The following PAX1 variants were observed in gnomAD, a reference collection of about 807,000 sequenced individuals.
PAX1 encodes paired box 1.
In PAX1, 18 loss-of-function variants were observed where a neutral mutation model predicts 35.6. The observed-to-expected ratio is 0.50, with a 90% CI of 0.35 to 0.75. The LOEUF is 0.75. PAX1 is among the 30% of genes least tolerant of loss of function. The pLI, the probability that PAX1 is intolerant of heterozygous loss-of-function variation, is 0.01. For synonymous variants in PAX1, 397 were observed against 305.2 expected (o/e 1.30, Z -3.14); for missense variants, 760 against 661.5 (o/e 1.15, Z -1.63).
At chr20:21,713,034 G>A (rs1191965003) in intron 4 of PAX1, among the ~76,000 whole-genome samples, 2 of 152,248 alleles carry the variant, frequency 1.3e-5, no homozygotes, top group South Asian at 2.1e-4. Context: ...CTATGAGGAA[G>A]GATGGCTTGG....
Position 21,708,699 on chromosome 20 carries a change from A to G in PAX1, c.1058A>G (p.Gln353Arg). 1 of 1,613,496 alleles carries G rather than the reference A, an allele frequency of 6.2e-7. No individual in the cohort carries two copies. The highest frequency in any genetic ancestry group is 8.5e-7 in the Non-Finnish European group (1 of 1,179,976). The change falls in exon 3 of 5, where the codon CAG (glutamine) becomes CGG (arginine). Residue 353 changes from glutamine to arginine, a missense_variant and splice_region_variant. Transcript: ENST00000613128. ...PALEADIKYTQSASTLSAVGG... is the reference protein window; with the variant it reads ...PALEADIKYTRSASTLSAVGG... Reference sequence around the variant, plus strand: ...TTAGAGGCAGACATTAAATACACTCAGGTAACCAGGAGGCACGTGAGGCCG... The same window carrying G: ...TTAGAGGCAGACATTAAATACACTCGGGTAACCAGGAGGCACGTGAGGCCG...
In PAX1 at chr20:21,708,467, C is replaced by T. The variant is rs575991849; in HGVS notation, c.917-91C>T. 1.0e-5 allele frequency: 15 copies of T among 1,480,822 alleles called. No homozygotes were observed. In the African/African-American group the frequency reaches 1.5e-4, roughly 15 times the overall value. 91.7% of individuals were successfully genotyped at this position (1,480,822 alleles called of 1,614,324 possible). On this transcript the variant is annotated intron_variant, in intron 2 of 4. Transcript: ENST00000613128. ...CTACAAATTTTGTGGGACCCCTGGC[C>T]GTGTCTTCAGATACAAATTGGGTGG...
At position 21,714,546 on chromosome 20, in the gene PAX1, C is replaced by A; in HGVS notation, c.1358C>A (p.Pro453Gln). The change falls in exon 5 of 5, where the codon CCG becomes CAG. Residue 453 changes from proline (P) to glutamine (Q), a missense_variant. By Grantham distance (76) the Pro-to-Gln change is moderately conservative (BLOSUM62 -1). Coordinates refer to ENST00000613128, the MANE Select transcript of PAX1 (RefSeq NM_001257096.2). ...AGTAGCTTACACGGACTGCCCATCCCGGCCTCGACCTCCTAGGGGCAGCTC... is the reference window on the plus strand; with the variant it reads ...AGTAGCTTACACGGACTGCCCATCCAGGCCTCGACCTCCTAGGGGCAGCTC... ...ALSSLHGLPI[P>Q]ASTS is the part of the protein sequence containing the mutation. 1.9e-6 allele frequency: 3 copies of A among 1,592,980 alleles called. No individual in the cohort carries two copies. Among genetic ancestry groups the A allele is most frequent in the Non-Finnish European group, 2.6e-6 (3 of 1,171,090 alleles).
chr20:21,705,925 G>C lies in PAX1; in HGVS notation c.213G>C (p.Pro71=), dbSNP rs932478122. Residue 71 remains proline (P), a synonymous_variant, in exon 1 of 5, where the codon CCG becomes CCC. Transcript: ENST00000613128. ...SRGGGGAQAL[P]DCAGPSPGHP... ...GCGGCGGCGGCGCCCAAGCTCTCCCGGACTGCGCCGGGCCCAGCCCCGGCC... is the reference window on the plus strand; with the variant it reads ...GCGGCGGCGGCGCCCAAGCTCTCCCCGACTGCGCCGGGCCCAGCCCCGGCC... 6.8e-7 allele frequency: 1 copy of C among 1,464,460 alleles called. No homozygotes were observed. Among genetic ancestry groups the C allele is most frequent in the African/African-American group, 1.5e-5 (1 of 67,612 alleles). The allele number at this position is 1,464,460 out of a possible 1,614,324, so 90.7% of individuals were successfully genotyped here.
rs1302813262 is a variant in PAX1, at chr20:21,705,808, G to T, written c.96G>T (p.Ala32=). 7.8e-7 allele frequency: 1 copy of T among 1,279,926 alleles called. No individual in the cohort carries two copies. Among genetic ancestry groups the T allele is most frequent in the Non-Finnish European group, 9.8e-7 (1 of 1,015,984 alleles). 79.3% of individuals were successfully genotyped at this position (1,279,926 alleles called of 1,614,324 possible). A position where few individuals can be genotyped will look rare whatever the true frequency, so the allele number is the denominator to read the frequency against. The change falls in exon 1 of 5, where the codon GCG becomes GCT. Residue 32 remains alanine (A), a synonymous_variant. Coordinates refer to ENST00000613128, the MANE Select transcript of PAX1 (RefSeq NM_001257096.2). ...AAAGPGAGGS[A]LRCRAQRVSS... The stretch of plus-strand genomic sequence containing the variant: ...CAGGCCCTGGAGCGGGCGGCAGCGC[G>T]CTCCGCTGCCGCGCACAGCGCGTCT...
At chr20:21,713,373 CTTTTTT>C (rs113207408) in intron 4 of PAX1, among the ~76,000 whole-genome samples, 1,490 of 124,228 alleles carry the variant, frequency 0.012, 24 homozygotes, top group African/African-American at 0.057. Flanking sequence ...CGTGTGTTTT[CTTTTTT>C]TTTTGTGTGT....
In PAX1 at chr20:21,717,096, A is replaced by C. The variant is rs930819293; in HGVS notation, c.*2534A>C. The C allele has an allele frequency of 2.6e-5, 4 of 152,214 alleles. No individual in the cohort carries two copies. Among genetic ancestry groups the C allele is most frequent in the African/African-American group, 9.7e-5 (4 of 41,430 alleles). 9.4% of individuals were successfully genotyped at this position (152,214 alleles called of 1,614,324 possible). On this transcript the variant is annotated 3_prime_UTR_variant, in exon 5 of 5. Transcript: ENST00000613128. ...CACCTGTGTTTTAAGTGCCACCTGC[A>C]AAGGGAGGCATTTTTCAAATCTGCC... is the stretch of plus-strand genomic sequence containing the variant.
At chr20:21,707,909 C>T (rs1228959228) in intron 2 of PAX1, among the ~76,000 whole-genome samples, 5 of 152,174 alleles carry the variant, frequency 3.3e-5, no homozygotes, top group Non-Finnish European at 7.3e-5. Context: ...GCCTCTGTGG[C>T]CCTGCTCTGG....
At chr20:21,713,382 TTGTG>T (rs1026316842) in intron 4 of PAX1, among the ~76,000 whole-genome samples, 72 of 146,374 alleles carry the variant, frequency 4.9e-4, no homozygotes, top group Admixed American at 1.7e-3. Flanking sequence ...TCTTTTTTTT[TTGTG>T]TGTGTGTGTG....
rs1245300987 is a variant in PAX1, at chr20:21,705,985, C to A, written c.273C>A (p.Gly91=). ...ACCCCGGCGCCAGGCAGCTGGCCGG[C>A]CCGCTCGCTATGGGTAAGGGGCGGG... ...PGHPGARQLA[G]PLAMEQTYGE... Residue 91 remains glycine, a synonymous_variant, in exon 1 of 5, where the codon GGC becomes GGA. Coordinates refer to ENST00000613128, the MANE Select transcript of PAX1 (RefSeq NM_001257096.2). 2.7e-6 allele frequency: 4 copies of A among 1,483,626 alleles called. No individual in the cohort carries two copies. In the Admixed American group the frequency reaches 9.3e-5, roughly 34 times the overall value. 91.9% of individuals were successfully genotyped at this position (1,483,626 alleles called of 1,614,324 possible). A position where few individuals can be genotyped will look rare whatever the true frequency, so the allele number is the denominator to read the frequency against.
chr20:21,713,383 TG>T lies in PAX1; in HGVS notation c.1283-1087del, dbSNP rs766145025. Among the ~76,000 whole-genome samples the T allele has an allele frequency of 1.8e-3, 194 of 110,032 alleles. 1 individual carries two copies. Among genetic ancestry groups the T allele is most frequent in the African/African-American group, 3.6e-3 (117 of 32,582 alleles). The allele number at this position is 110,032 out of a possible 152,430, so 72.2% of individuals were successfully genotyped here. On this transcript the variant is annotated intron_variant, in intron 4 of 4. Transcript: ENST00000613128. The stretch of plus-strand genomic sequence containing the variant: ...GAAACCGTGTGTTTTCTTTTTTTTT[TG>T]TGTGTGTGTGTGTGTGTGTGTGTGT...
intron 3 of PAX1, 81 bp downstream of exon 3, chr20:21,708,781 A>G: frequency 6.8e-7 from 1 of 1,471,804 alleles, no homozygotes; most frequent in Non-Finnish European, 9.4e-7. Context: ...AGAGAGAAAG[A>G]AAAGAAAAAA....
intron 4 of PAX1, among the ~76,000 whole-genome samples, chr20:21,713,382 T>G (rs74836152): frequency 0.32 from 47,242 of 146,322 alleles, 8,896 homozygotes; most frequent in African/African-American, 0.54. Flanking sequence ...TCTTTTTTTT[T>G]TGTGTGTGTG....
Position 21,706,935 on chromosome 20 carries a change from C to G in PAX1, c.784C>G (p.Pro262Ala). The change falls in exon 2 of 5, where the codon CCC becomes GCC. Residue 262 changes from proline to alanine, a missense_variant. Pro to Ala is a conservative substitution (Grantham distance 27). This residue lies in a region of PAX1 where 490 missense variants were observed against 428.4 expected (regional missense o/e 1.14). Transcript: ENST00000613128. The surrounding 1 kb of genome is among the most constrained non-coding windows in gnomAD (Gnocchi z 5.3). ...YQYPYPSPVS[P>A]TGAKMGSHPG... ...GTACCCCTACCCCAGTCCCGTGTCG[C>G]CCACGGGCGCCAAGATGGGCAGCCA... The G allele has an allele frequency of 6.2e-7, 1 of 1,612,586 alleles. No homozygotes were observed. The highest frequency in any genetic ancestry group is 8.5e-7 in the Non-Finnish European group (1 of 1,179,550).
chr20:21,710,374 T>G (rs1985161926), intron 4 of PAX1, among the ~76,000 whole-genome samples: 1 of 152,186 alleles, frequency 6.6e-6, no homozygotes, highest in Non-Finnish European at 1.5e-5. Context: ...AACTTGCCAG[T>G]GCTTAGGTTC....
intron 4 of PAX1, among the ~76,000 whole-genome samples, chr20:21,711,667 A>G (rs970777382): frequency 1.3e-5 from 2 of 152,248 alleles, no homozygotes; most frequent in Admixed American, 1.3e-4. Flanking sequence ...ACCATTAGCA[A>G]TGATTTCTCA....
intron 4 of PAX1, among the ~76,000 whole-genome samples, chr20:21,714,226 T>A (rs1244528874): frequency 6.6e-6 from 1 of 152,098 alleles, no homozygotes; most frequent in Non-Finnish European, 1.5e-5. Context: ...TGTTTGCAAA[T>A]GGCCTTGCGA....
intron 4 of PAX1, among the ~76,000 whole-genome samples, chr20:21,710,798 CT>C (rs1985177375): frequency 6.6e-6 from 1 of 152,118 alleles, no homozygotes. Flanking sequence ...CACAGACATC[CT>C]GGGATATTAG....
At chr20:21,707,145 A>G (rs918723088) in intron 2 of PAX1, 78 bp downstream of exon 2, 1 of 1,551,960 alleles carries the variant, frequency 6.4e-7, no homozygotes, top group Non-Finnish European at 8.8e-7. Context: ...GAGGACTCAC[A>G]CTCGCTCTCC....
Sources: gnomAD v4.1 joint callset for allele counts (sites outside exome capture counted in the v4.1 genomes callset) on GRCh38, gnomAD v4.1.1 for gene constraint, gnomAD v4.1.1 regional missense constraint, Gnocchi (gnomAD v3.1) non-coding constraint, MANE v1.5 for transcripts, NCBI Gene and HGNC (gene_info 2026-07-23, HGNC 2026-07-21) for gene names.